OXR1: variants seen among roughly 807,000 people sequenced by gnomAD.
OXR1 encodes oxidation resistance protein 1.
In OXR1, 41 loss-of-function variants were observed where a neutral mutation model predicts 104.6. The observed-to-expected ratio is 0.39, with a 90% confidence interval of 0.31 to 0.51. The LOEUF (loss-of-function observed/expected upper bound fraction) is 0.51, where lower values mean the gene tolerates loss of function less well. OXR1 is among the 20% of genes least tolerant of loss of function. The probability of loss-of-function intolerance (pLI) is 0.77; values close to 1 mark genes in which losing one functional copy is unlikely to be tolerated. For synonymous variants in OXR1, 348 were observed against 348.4 expected, an observed-to-expected ratio of 1.00 and a Z score of 0.01; for missense variants, 955 against 1,031.9, an observed-to-expected ratio of 0.93 and a Z score of 1.02.
In OXR1 at chr8:106,744,850, A is replaced by G. The variant is rs151238632; in HGVS notation, c.2413-939A>G. ...ATAAAAATAAATGAAGAAAATAGGA[A>G]CGATTTGGTAACACAATAAAAATTC... On this transcript the variant is annotated intron_variant, in intron 15 of 16. Coordinates refer to ENST00000517566, the MANE Select transcript of OXR1 (RefSeq NM_001198533.2). Among the ~76,000 whole-genome samples, 199 of 152,312 alleles carry G rather than the reference A, an allele frequency of 1.3e-3. 1 individual carries two copies. The highest frequency in any genetic ancestry group is 4.7e-3 in the African/African-American group (197 of 41,576).
At chr8:106,393,985 T>C (rs1817680918) in intron 2 of OXR1, among the ~76,000 whole-genome samples, 1 of 152,092 alleles carries the variant, frequency 6.6e-6, no homozygotes, top group Admixed American at 6.6e-5. Context: ...ACATACATTT[T>C]AAGATAATAA....
chr8:106,361,113 G>A (rs547757025), intron 2 of OXR1, among the ~76,000 whole-genome samples: 34 of 152,280 alleles, frequency 2.2e-4, no homozygotes, highest in African/African-American at 7.9e-4. Context: ...GAGAGAGACT[G>A]CATGTCATGG....
At chr8:106,382,693 T>G (rs926964124) in intron 2 of OXR1, among the ~76,000 whole-genome samples, 2 of 145,836 alleles carry the variant, frequency 1.4e-5, no homozygotes, top group African/African-American at 5.3e-5. Context: ...TTTTTTTTTT[T>G]TTTTTTTTTT....
rs769877526 is a variant in OXR1, at chr8:106,393,354, T to A, written c.23+33718T>A. On this transcript the variant is annotated intron_variant, in intron 2 of 16. Coordinates refer to ENST00000517566, the MANE Select transcript of OXR1 (RefSeq NM_001198533.2). ...TTACTACAGTGTGCCTGGACTCAGATAATCCCAAAACACAGTAACGAGTCA... is the reference window on the plus strand; with the variant it reads ...TTACTACAGTGTGCCTGGACTCAGAAAATCCCAAAACACAGTAACGAGTCA... Among the ~76,000 whole-genome samples the A allele has an allele frequency of 8.9e-4, 135 of 152,184 alleles. 3 individuals carry two copies. The highest frequency in any genetic ancestry group is 2.8e-4 in the Non-Finnish European group (19 of 68,018).
intron 2 of OXR1, among the ~76,000 whole-genome samples, chr8:106,420,540 A>G (rs1227681235): frequency 1.3e-5 from 2 of 151,928 alleles, no homozygotes; most frequent in African/African-American, 4.8e-5. Context: ...CTGTATACTC[A>G]TTAAGATAGT....
intron 3 of OXR1, among the ~76,000 whole-genome samples, chr8:106,568,927 A>T (rs1817269633): frequency 6.6e-6 from 1 of 152,110 alleles, no homozygotes; most frequent in South Asian, 2.1e-4. Context: ...AACAAGAGTT[A>T]ATACTATATA....
At chr8:106,467,220 G>T (rs979144434) in intron 2 of OXR1, among the ~76,000 whole-genome samples, 7 of 151,858 alleles carry the variant, frequency 4.6e-5, no homozygotes, top group Non-Finnish European at 2.9e-5. Context: ...CCTTCATTCT[G>T]TCTAGTTTAG....
At chr8:106,363,693 TC>T (rs1388775287) in intron 2 of OXR1, among the ~76,000 whole-genome samples, 1 of 152,142 alleles carries the variant, frequency 6.6e-6, no homozygotes, top group Non-Finnish European at 1.5e-5. Context: ...GGCTGGTGTA[TC>T]ATTGCAGGGC....
At chr8:106,490,181 AT>A (rs2129845670) in intron 2 of OXR1, among the ~76,000 whole-genome samples, 1 of 152,184 alleles carries the variant, frequency 6.6e-6, no homozygotes, top group Non-Finnish European at 1.5e-5. Context: ...GTAGTATTTT[AT>A]TTGTTTTTCT....
At position 106,688,237 on chromosome 8, in the gene OXR1, C is replaced by T. The variant is rs192430931; in HGVS notation, c.525+3878C>T. ...GTTTAAAATAAGTAATATGAAAAAACGAAATAATTTTAAAGTACTTATGTT... is the reference window on the plus strand; with the variant it reads ...GTTTAAAATAAGTAATATGAAAAAATGAAATAATTTTAAAGTACTTATGTT... On this transcript the variant is annotated intron_variant, in intron 6 of 16. Coordinates refer to ENST00000517566, the MANE Select transcript of OXR1 (RefSeq NM_001198533.2). Among the ~76,000 whole-genome samples the T allele has an allele frequency of 7.4e-4, 113 of 151,796 alleles. 1 individual carries two copies. The highest frequency in any genetic ancestry group is 2.5e-3 in the African/African-American group (105 of 41,400).
intron 7 of OXR1, among the ~76,000 whole-genome samples, chr8:106,698,833 G>C (rs1440961488): frequency 2.6e-5 from 4 of 151,298 alleles, no homozygotes; most frequent in African/African-American, 9.7e-5. Context: ...GTTACTTCTG[G>C]GTCTGTTTGC....
At chr8:106,452,055 G>A (rs1820342240) in intron 2 of OXR1, among the ~76,000 whole-genome samples, 1 of 152,164 alleles carries the variant, frequency 6.6e-6, no homozygotes, top group East Asian at 1.9e-4. Flanking sequence ...CCGACATATT[G>A]TATGCAGGAC....
chr8:106,581,362 A>C (rs1818207729), intron 3 of OXR1: 1 of 554,856 alleles, frequency 1.8e-6, no homozygotes, highest in African/African-American at 2.0e-5. Context: ...TGTATAAATT[A>C]ACCAAATAGA....
chr8:106,719,234 G>A (rs888006659), intron 11 of OXR1, among the ~76,000 whole-genome samples: 1 of 152,168 alleles, frequency 6.6e-6, no homozygotes, highest in Non-Finnish European at 1.5e-5. Flanking sequence ...AAAGGGAAGT[G>A]CTCTAATGGC....
intron 3 of OXR1, among the ~76,000 whole-genome samples, chr8:106,589,085 A>G (rs3134124): frequency 0.4 from 60,567 of 152,066 alleles, 13,366 homozygotes; most frequent in African/African-American, 0.59. Context: ...CTTTTGGGGC[A>G]GAAAGCCGAA....
chr8:106,543,280 C>T (rs1271677095), intron 3 of OXR1, among the ~76,000 whole-genome samples: 1 of 151,754 alleles, frequency 6.6e-6, no homozygotes. Flanking sequence ...TTTTTTAATT[C>T]CCCACCTGAG....
chr8:106,283,119 T>C (rs534720578), intron 1 of OXR1, among the ~76,000 whole-genome samples: 1 of 152,318 alleles, frequency 6.6e-6, no homozygotes, highest in Non-Finnish European at 1.5e-5. Context: ...ATCTGCCAGA[T>C]GTCAGCTATG....
At chr8:106,528,716 A>G (rs556297572) in intron 3 of OXR1, among the ~76,000 whole-genome samples, 1 of 152,350 alleles carries the variant, frequency 6.6e-6, no homozygotes, top group African/African-American at 2.4e-5. Flanking sequence ...GTTAAAAAAT[A>G]AAAGGAAAAA....
rs533883547 is a variant in OXR1 at position 106,357,029 on chromosome 8, T to A, written c.-138-2447T>A. ...TTTTTGCTCGTTGATTGTTTTTTTTTAAATGATGTCTCTCAATGCAAACTT... is the reference window on the plus strand; with the variant it reads ...TTTTTGCTCGTTGATTGTTTTTTTTAAAATGATGTCTCTCAATGCAAACTT... On this transcript the variant is annotated intron_variant, in intron 1 of 16. Coordinates refer to ENST00000517566, the MANE Select transcript of OXR1 (RefSeq NM_001198533.2). Among the ~76,000 whole-genome samples, 11 of 152,288 alleles carry A rather than the reference T, an allele frequency of 7.2e-5. No individual in the cohort carries two copies. In the East Asian group the frequency reaches 1.7e-3, roughly 24 times the overall value.
Sources: gnomAD v4.1 joint callset for allele counts (sites outside exome capture counted in the v4.1 genomes callset) on GRCh38, gnomAD v4.1.1 for gene constraint, MANE v1.5 for transcripts, NCBI Gene and HGNC (gene_info 2026-07-23, HGNC 2026-07-21) for gene names.